STXBP5L: variants seen among roughly 807,000 people sequenced by gnomAD.
The protein encoded by STXBP5L is syntaxin binding protein 5L.
A neutral mutation model predicts 144.5 loss-of-function variants in STXBP5L; 65 were observed. The ratio of observed to expected loss-of-function variants is 0.45; its 90% CI spans 0.37 to 0.55. The LOEUF (loss-of-function observed/expected upper bound fraction) is 0.55, where lower values mean the gene tolerates loss of function less well. Ranked by LOEUF, STXBP5L falls within the 20% of genes least tolerant of loss-of-function variation. The probability of loss-of-function intolerance (pLI) is 0.00; values close to 1 mark genes in which losing one functional copy is unlikely to be tolerated. For synonymous variants in STXBP5L, 505 were observed against 469.6 expected, an observed-to-expected ratio of 1.08 and a Z score of -0.97; for missense variants, 1,298 against 1,405.5, an observed-to-expected ratio of 0.92 and a Z score of 1.22.
At chr3:121,003,770 T>G (rs1455376890) in intron 3 of STXBP5L, among the ~76,000 whole-genome samples, 3 of 152,176 alleles carry the variant, frequency 2.0e-5, no homozygotes, top group Non-Finnish European at 4.4e-5. Context: ...TTTCTACATA[T>G]GGCTAGGCAG....
At chr3:121,315,624 A>T (rs990391837) in intron 19 of STXBP5L, among the ~76,000 whole-genome samples, 3 of 152,124 alleles carry the variant, frequency 2.0e-5, no homozygotes, top group Admixed American at 6.5e-5. Context: ...CCTAAAACTT[A>T]AAGTATAATA....
intron 7 of STXBP5L, among the ~76,000 whole-genome samples, chr3:121,124,846 G>T (rs2044631463): frequency 6.6e-6 from 1 of 151,970 alleles, no homozygotes; most frequent in Non-Finnish European, 1.5e-5. Flanking sequence ...CAACTTCAAA[G>T]GAAATGCCTC....
At chr3:121,071,174 A>T (rs1166819768) in intron 5 of STXBP5L, among the ~76,000 whole-genome samples, 1 of 152,234 alleles carries the variant, frequency 6.6e-6, no homozygotes, top group Admixed American at 6.5e-5. Context: ...AATATGATTA[A>T]GCTTATACTA....
intron 9 of STXBP5L, among the ~76,000 whole-genome samples, chr3:121,165,504 T>C (rs2046466952): frequency 6.6e-6 from 1 of 152,198 alleles, no homozygotes; most frequent in Non-Finnish European, 1.5e-5. Flanking sequence ...TGTTTTATGA[T>C]TTCATTGAAG....
At chr3:121,194,230 C>T (rs1476360392) in intron 9 of STXBP5L, among the ~76,000 whole-genome samples, 1 of 152,090 alleles carries the variant, frequency 6.6e-6, no homozygotes, top group African/African-American at 2.4e-5. Context: ...CTACTTTAGT[C>T]TCTGTGTGTA....
At position 121,330,471 on chromosome 3, in the gene STXBP5L, T is replaced by C. The variant is rs1435630475; in HGVS notation, c.2176+11931T>C. Among the ~76,000 whole-genome samples, 3 of 152,274 alleles carry C rather than the reference T, an allele frequency of 2.0e-5. No individual in the cohort carries two copies. In the East Asian group the frequency reaches 5.8e-4, roughly 29 times the overall value. On this transcript the variant is annotated intron_variant, in intron 20 of 26. Transcript: ENST00000471454. The stretch of plus-strand genomic sequence containing the variant: ...TGACCCAGCCACCACCTGGCTTTGC[T>C]CCTCTACCCACCCTAATGGCTTAAC...
intron 9 of STXBP5L, among the ~76,000 whole-genome samples, chr3:121,164,398 T>C (rs2046428727): frequency 6.6e-6 from 1 of 152,168 alleles, no homozygotes; most frequent in Admixed American, 6.5e-5. Context: ...TGTTGGCAGG[T>C]ATATAGAGAA....
At chr3:121,181,479 A>T (rs1268092245) in intron 9 of STXBP5L, among the ~76,000 whole-genome samples, 1 of 152,262 alleles carries the variant, frequency 6.6e-6, no homozygotes, top group Non-Finnish European at 1.5e-5. Flanking sequence ...AACGCCTGTA[A>T]TCCCAGCACT....
chr3:121,277,791 A>T (rs891983778), intron 18 of STXBP5L, among the ~76,000 whole-genome samples: 5 of 151,810 alleles, frequency 3.3e-5, no homozygotes, highest in African/African-American at 1.2e-4. Context: ...ATCTGTAGCT[A>T]ATTTGTCTCA....
chr3:121,087,019 G>A (rs1013260272), intron 5 of STXBP5L, among the ~76,000 whole-genome samples: 1 of 151,866 alleles, frequency 6.6e-6, no homozygotes, highest in East Asian at 1.9e-4. Flanking sequence ...CTGATTTCTA[G>A]TTTGATTCCA....
rs267599561 is a variant in STXBP5L at position 121,121,681 on chromosome 3, G to A, written c.646G>A (p.Asp216Asn). The A allele has an allele frequency of 1.0e-5, 16 of 1,602,648 alleles. No homozygotes were observed. In the East Asian group the frequency reaches 3.4e-4, roughly 34 times the overall value. Residue 216 changes from aspartate to asparagine, a missense_variant, in exon 7 of 27, where the codon GAT becomes AAT. Coordinates refer to ENST00000471454, the MANE Select transcript of STXBP5L (RefSeq NM_001308330.2). ...THPGPVVHLS[D>N]SPRDEGKLLI... ...TCCAGGTCCAGTTGTACATTTAAGCGATAGCCCAAGAGATGAAGGCAAAGT... is the reference window on the plus strand; with the variant it reads ...TCCAGGTCCAGTTGTACATTTAAGCAATAGCCCAAGAGATGAAGGCAAAGT...
chr3:121,176,510 G>A (rs74441970), intron 9 of STXBP5L, among the ~76,000 whole-genome samples: 13,493 of 136,930 alleles, frequency 0.099, 1,104 homozygotes, highest in Admixed American at 0.2. Context: ...AAAAAAAAAG[G>A]TGAAGTATTG....
intron 18 of STXBP5L, among the ~76,000 whole-genome samples, chr3:121,275,721 A>G (rs937296582): frequency 6.6e-6 from 1 of 152,118 alleles, no homozygotes; most frequent in Non-Finnish European, 1.5e-5. Flanking sequence ...TATAAGATGA[A>G]TCCACATTTA....
chr3:121,344,694 A>ATTTG (rs2044879907), intron 20 of STXBP5L, among the ~76,000 whole-genome samples: 1 of 152,062 alleles, frequency 6.6e-6, no homozygotes, highest in Non-Finnish European at 1.5e-5. Context: ...CCAATAAAAG[A>ATTTG]GTTAATAATT....
At chr3:121,107,160 T>G (rs1253010500) in intron 5 of STXBP5L, among the ~76,000 whole-genome samples, 1 of 152,096 alleles carries the variant, frequency 6.6e-6, no homozygotes, top group African/African-American at 2.4e-5. Flanking sequence ...GTCAGATGGA[T>G]AGATTGCAAA....
intron 9 of STXBP5L, among the ~76,000 whole-genome samples, chr3:121,185,490 G>A (rs2047339144): frequency 6.6e-6 from 1 of 152,112 alleles, no homozygotes; most frequent in Non-Finnish European, 1.5e-5. Context: ...TGTAAGTAAG[G>A]GATCCAGTTT....
chr3:121,024,886 CTA>C, intron 3 of STXBP5L, among the ~76,000 whole-genome samples: 1 of 152,300 alleles, frequency 6.6e-6, no homozygotes, highest in Admixed American at 6.5e-5. Context: ...AATTCTACTT[CTA>C]TCATGCCCTG....
intron 3 of STXBP5L, among the ~76,000 whole-genome samples, chr3:120,961,545 T>C (rs1938819078): frequency 6.6e-6 from 1 of 152,214 alleles, no homozygotes; most frequent in Non-Finnish European, 1.5e-5. Context: ...GTCCTTGCGA[T>C]AGTTTGCTGA....
intron 3 of STXBP5L, among the ~76,000 whole-genome samples, chr3:121,020,761 G>C (rs191961993): frequency 6.6e-6 from 1 of 151,742 alleles, no homozygotes; most frequent in Admixed American, 6.6e-5. Flanking sequence ...GCTAAAGGGA[G>C]TTCTAAATCT....
Sources: allele counts gnomAD v4.1 joint callset (sites outside exome capture counted in the v4.1 genomes callset), GRCh38; gene constraint gnomAD v4.1.1; transcripts MANE v1.5; gene names NCBI Gene and HGNC (gene_info 2026-07-23, HGNC 2026-07-21).